TCF7L2: variants seen among roughly 807,000 people sequenced by gnomAD.
TCF7L2 encodes transcription factor 7-like 2.
Under a neutral mutation model 77.9 loss-of-function variants are expected in TCF7L2, and 23 were observed. That is an observed-to-expected ratio of 0.30 (90% CI 0.21 to 0.42). The LOEUF (loss-of-function observed/expected upper bound fraction) is 0.42, where lower values mean the gene tolerates loss of function less well. Among genes scored for constraint, TCF7L2 ranks in the 10% least tolerant of loss-of-function variants. TCF7L2 has a pLI of 1.00. For missense variants in TCF7L2, 654 were observed against 793.1 expected (o/e 0.82, Z 2.11); for synonymous variants, 413 against 340.2 (o/e 1.21, Z -2.36).
intron 5 of TCF7L2, among the ~76,000 whole-genome samples, chr10:113,049,508 G>C (rs2054038911): frequency 6.6e-6 from 1 of 151,948 alleles, no homozygotes; most frequent in Non-Finnish European, 1.5e-5. Context: ...CACCACCTCT[G>C]CCATTACCAC....
rs117614679 is a variant in TCF7L2 at position 112,986,492 on chromosome 10, G to A, written c.450+21868G>A. On this transcript the variant is annotated intron_variant, in intron 4 of 13. Coordinates refer to ENST00000627217, the MANE Select transcript of TCF7L2 (RefSeq NM_001146274.2). ...CAGCTGGTTTGGTTTGAGTTCTCTG[G>A]GATCTGACTAAGGGATTAGAGTCCA... Among the ~76,000 whole-genome samples the A allele has an allele frequency of 5.5e-3, 843 of 152,140 alleles. 5 individuals carry two copies. Among genetic ancestry groups the A allele is most frequent in the Non-Finnish European group, 8.5e-3 (578 of 67,986 alleles).
intron 13 of TCF7L2, chr10:113,160,804 A>G: frequency 2.1e-6 from 2 of 947,790 alleles, no homozygotes; most frequent in East Asian, 2.9e-5. Flanking sequence ...TCTGGCATCA[A>G]TGACTAATGA....
intron 13 of TCF7L2, among the ~76,000 whole-genome samples, chr10:113,164,153 A>G (rs1258397708): frequency 6.6e-6 from 1 of 152,186 alleles, no homozygotes; most frequent in Non-Finnish European, 1.5e-5. Flanking sequence ...GTTGATCCCC[A>G]GGCTCACCTT....
At chr10:113,071,301 C>T (rs192960667) in intron 5 of TCF7L2, among the ~76,000 whole-genome samples, 1 of 152,234 alleles carries the variant, frequency 6.6e-6, no homozygotes, top group African/African-American at 2.4e-5. Flanking sequence ...AGTGCTTCCT[C>T]CTTTTTAATA....
At chr10:113,153,815 C>T (rs540102761) in intron 11 of TCF7L2, among the ~76,000 whole-genome samples, 20 of 152,356 alleles carry the variant, frequency 1.3e-4, no homozygotes, top group African/African-American at 3.8e-4. Context: ...AAACATCTGC[C>T]GGCCTATGTG....
chr10:112,998,240 A>G (rs2043860682), intron 4 of TCF7L2, among the ~76,000 whole-genome samples: 1 of 152,098 alleles, frequency 6.6e-6, no homozygotes, highest in Non-Finnish European at 1.5e-5. Context: ...AGTTTAGCCC[A>G]GGTTCTGTTT....
At chr10:113,015,783 C>G (rs1330532294) in intron 4 of TCF7L2, among the ~76,000 whole-genome samples, 1 of 152,138 alleles carries the variant, frequency 6.6e-6, no homozygotes, top group Non-Finnish European at 1.5e-5. Flanking sequence ...GCCACTGTGC[C>G]TGTGCTCAAT....
At chr10:113,127,656 A>AT (rs1478658771) in intron 5 of TCF7L2, among the ~76,000 whole-genome samples, 3 of 150,806 alleles carry the variant, frequency 2.0e-5, no homozygotes, top group African/African-American at 4.9e-5. Flanking sequence ...TCACCTTTTG[A>AT]TTTTTTTGTG....
intron 6 of TCF7L2, among the ~76,000 whole-genome samples, chr10:113,143,287 A>G (rs1193951474): frequency 1.3e-5 from 2 of 152,238 alleles, no homozygotes; most frequent in Non-Finnish European, 2.9e-5. Flanking sequence ...CCTCTAGCGG[A>G]TGAAGTTCCA....
intron 5 of TCF7L2, chr10:113,126,044 G>T (rs966346614): frequency 2.0e-5 from 3 of 151,364 alleles, no homozygotes; most frequent in African/African-American, 7.3e-5. Context: ...AAGACGCGCA[G>T]CGGTGGTTTA....
intron 5 of TCF7L2, among the ~76,000 whole-genome samples, chr10:113,065,935 T>C (rs536659643): frequency 6.6e-6 from 1 of 152,312 alleles, no homozygotes; most frequent in Non-Finnish European, 1.5e-5. Context: ...TATAAGGCTG[T>C]GATAATTCTT....
chr10:113,023,660 TTTTA>T (rs1160055225), intron 4 of TCF7L2, among the ~76,000 whole-genome samples: 2 of 151,854 alleles, frequency 1.3e-5, no homozygotes, highest in Non-Finnish European at 2.9e-5. Context: ...TTTTATTTTA[TTTTA>T]TTTATTTTTT....
intron 5 of TCF7L2, among the ~76,000 whole-genome samples, chr10:113,086,111 C>T (rs561473284): frequency 3.3e-5 from 5 of 152,280 alleles, no homozygotes; most frequent in South Asian, 4.1e-4. Flanking sequence ...TTTGCCCACT[C>T]GTCATGTCAG....
Position 113,165,958 on chromosome 10 carries a change from A to G in TCF7L2, c.1795A>G (p.Lys599Glu), listed in dbSNP as rs757352157. 7 of 1,527,904 alleles carry G rather than the reference A, an allele frequency of 4.6e-6. No individual in the cohort carries two copies. Among genetic ancestry groups the G allele is most frequent in the Non-Finnish European group, 6.2e-6 (7 of 1,136,374 alleles). 94.6% of individuals were successfully genotyped at this position (1,527,904 alleles called of 1,614,324 possible). The change falls in exon 14 of 14, where the codon AAG becomes GAG. Residue 599 changes from lysine to glutamate, a missense_variant. By Grantham distance (56) the Lys-to-Glu change is moderately conservative. Transcript: ENST00000627217. Reference sequence around the variant, plus strand: ...GCCCCAGCCGCTGTCGCTCGTCACCAAGTCTTTAGAATAGCTTTAGCGTCG... The same window carrying G: ...GCCCCAGCCGCTGTCGCTCGTCACCGAGTCTTTAGAATAGCTTTAGCGTCG...
At chr10:113,162,327 G>A (rs902863567) in intron 13 of TCF7L2, among the ~76,000 whole-genome samples, 4 of 152,106 alleles carry the variant, frequency 2.6e-5, no homozygotes, top group Non-Finnish European at 5.9e-5. Flanking sequence ...GGGGTGGGTG[G>A]TGGTTTATGA....
In TCF7L2 at chr10:112,951,392, C is replaced by A. The variant is rs528119578; in HGVS notation, c.257-91C>A. 113 of 1,191,784 alleles carry A rather than the reference C, an allele frequency of 9.5e-5. No individual in the cohort carries two copies. In the South Asian group the frequency reaches 1.6e-3, roughly 17 times the overall value. 73.8% of individuals were successfully genotyped at this position (1,191,784 alleles called of 1,614,324 possible). The stretch of plus-strand genomic sequence containing the variant: ...CCTGCGCCGGCCCGGTCGGGGCGCC[C>A]GGCCCCTCGGGGCACTTTCTAAAAA... On this transcript the variant is annotated intron_variant, in intron 2 of 13. Transcript: ENST00000627217.
At position 112,983,308 on chromosome 10, in the gene TCF7L2, A is replaced by G. The variant is rs193106336; in HGVS notation, c.450+18684A>G. 4.5e-3 allele frequency among the ~76,000 whole-genome samples: 690 copies of G among 151,918 alleles called. 9 individuals are homozygous for G. The highest frequency in any genetic ancestry group is 0.026 in the South Asian group (127 of 4,796). ...AACACGGTGAAACCCCGTCTCTACT[A>G]AAAATACAAAAAATTAGCAGGGCAT... On this transcript the variant is annotated intron_variant, in intron 4 of 13. Coordinates refer to ENST00000627217, the MANE Select transcript of TCF7L2 (RefSeq NM_001146274.2).
rs530397651 is a variant in TCF7L2 at position 113,021,877 on chromosome 10, G to A, written c.451-18148G>A. Among the ~76,000 whole-genome samples, 7 of 152,332 alleles carry A rather than the reference G, an allele frequency of 4.6e-5. No individual in the cohort carries two copies. The East Asian group carries it at 1.3e-3, about 29-fold the overall frequency. ...TCTTTGGACTGAACCAGAGGCTGGC[G>A]ATGGTCCCGAAACAGGGTGCCAAGT... On this transcript the variant is annotated intron_variant, in intron 4 of 13. Transcript: ENST00000627217.
At chr10:113,090,360 T>C (rs2060247001) in intron 5 of TCF7L2, among the ~76,000 whole-genome samples, 2 of 152,224 alleles carry the variant, frequency 1.3e-5, no homozygotes, top group Admixed American at 6.5e-5. Flanking sequence ...TAAAAACATT[T>C]ATTGTATACC....
Sources: allele counts gnomAD v4.1 joint callset (sites outside exome capture counted in the v4.1 genomes callset), GRCh38; gene constraint gnomAD v4.1.1; transcripts MANE v1.5; gene names NCBI Gene and HGNC (gene_info 2026-07-23, HGNC 2026-07-21).